IL1RAPL2: variants seen among roughly 807,000 people sequenced by gnomAD.
IL1RAPL2 encodes interleukin 1 receptor accessory protein like 2.
IL1RAPL2 carries 3 observed loss-of-function variants against 44.1 expected under a neutral mutation model. The ratio of observed to expected loss-of-function variants is 0.07; its 90% confidence interval spans 0.03 to 0.18. The LOEUF (loss-of-function observed/expected upper bound fraction) is 0.18, where lower values mean the gene tolerates loss of function less well. Among genes scored for constraint, IL1RAPL2 ranks in the 10% least tolerant of loss-of-function variants. The pLI is 1.00. For missense variants in IL1RAPL2, 391 were observed against 496.4 expected (o/e 0.79, Z 2.02); for synonymous variants, 181 against 178.8 (o/e 1.01, Z -0.10).
At chrX:105,466,634 G>T (rs761733211) in intron 5 of IL1RAPL2, among the ~76,000 whole-genome samples, 8 of 111,919 alleles carry the variant, frequency 7.1e-5, no homozygotes, top group Non-Finnish European at 1.5e-4. Flanking sequence ...GAGAATGAAA[G>T]AACCTTTATC....
At chrX:105,750,362 C>G (rs1282143732) in intron 9 of IL1RAPL2, among the ~76,000 whole-genome samples, 1 of 101,679 alleles carries the variant, frequency 9.8e-6, no homozygotes, top group Non-Finnish European at 2.0e-5. Flanking sequence ...CAGCCTCGAA[C>G]TCCTGTACTC....
At chrX:105,250,285 C>G (rs2034258409) in intron 4 of IL1RAPL2, among the ~76,000 whole-genome samples, 1 of 110,807 alleles carries the variant, frequency 9.0e-6, no homozygotes, top group African/African-American at 3.3e-5. Flanking sequence ...GCAAACAATT[C>G]TGTATGATGC....
At chrX:105,358,403 C>T (rs1370585362) in intron 5 of IL1RAPL2, among the ~76,000 whole-genome samples, 1 of 105,155 alleles carries the variant, frequency 9.5e-6, no homozygotes, top group African/African-American at 3.5e-5. Context: ...TAACTGGGCA[C>T]AGTGGCTCAC....
At chrX:105,454,938 GCGGA>G (rs2036045099) in intron 5 of IL1RAPL2, among the ~76,000 whole-genome samples, 1 of 106,709 alleles carries the variant, frequency 9.4e-6, no homozygotes, top group African/African-American at 3.5e-5. Context: ...TGAAGCACTA[GCGGA>G]TACCACTGAC....
intron 2 of IL1RAPL2, among the ~76,000 whole-genome samples, chrX:104,869,508 T>C (rs1337703039): frequency 8.9e-6 from 1 of 112,014 alleles, no homozygotes. Flanking sequence ...TGGTTCCCTG[T>C]ATAATTCTTT....
intron 5 of IL1RAPL2, among the ~76,000 whole-genome samples, chrX:105,413,512 G>A (rs905808448): frequency 1.2e-4 from 13 of 111,589 alleles, no homozygotes; most frequent in African/African-American, 3.9e-4. Flanking sequence ...ATGGAATGTG[G>A]GTAGCTTCTA....
At chrX:105,503,416 C>T (rs771185653) in intron 6 of IL1RAPL2, among the ~76,000 whole-genome samples, 2 of 111,589 alleles carry the variant, frequency 1.8e-5, no homozygotes, top group East Asian at 2.8e-4. Flanking sequence ...TATATTAATG[C>T]GCTTTGGTCT....
At chrX:105,207,939 T>C (rs1364619403) in intron 3 of IL1RAPL2, among the ~76,000 whole-genome samples, 1 of 112,022 alleles carries the variant, frequency 8.9e-6, no homozygotes, top group Non-Finnish European at 1.9e-5. Flanking sequence ...AAAGTAATAG[T>C]ACAGTAAAAA....
Position 104,971,241 on chromosome X carries a change from G to A in IL1RAPL2, c.83-224234G>A, listed in dbSNP as rs367941961. Among the ~76,000 whole-genome samples, 8 of 110,734 alleles carry A rather than the reference G, an allele frequency of 7.2e-5. No homozygotes were observed. The East Asian group carries it at 1.4e-3, about 20-fold the overall frequency. On this transcript the variant is annotated intron_variant, in intron 2 of 10. Transcript: ENST00000372582. ...GGCAGGCCGGTAATCCCAGCTACTC[G>A]GGATGCTGAGACAAGAGAATTGCTT...
intron 1 of IL1RAPL2, among the ~76,000 whole-genome samples, chrX:104,582,826 T>TTC (rs1569487689): frequency 3.2e-5 from 1 of 31,008 alleles, no homozygotes; most frequent in Non-Finnish European, 6.8e-5. Context: ...TTCTTTCTCT[T>TTC]TCTTTCTTTC....
intron 2 of IL1RAPL2, among the ~76,000 whole-genome samples, chrX:105,036,778 G>C (rs2031636982): frequency 9.0e-6 from 1 of 111,671 alleles, no homozygotes; most frequent in African/African-American, 3.3e-5. Context: ...ACTCTCAACA[G>C]TGATGCACAA....
At chrX:104,793,637 G>C (rs1342239474) in intron 2 of IL1RAPL2, among the ~76,000 whole-genome samples, 1 of 111,858 alleles carries the variant, frequency 8.9e-6, no homozygotes, top group Non-Finnish European at 1.9e-5. Flanking sequence ...AGAAATTATA[G>C]TTTTTCTAAC....
intron 6 of IL1RAPL2, among the ~76,000 whole-genome samples, chrX:105,595,485 CATA>C (rs2037201526): frequency 9.0e-6 from 1 of 111,721 alleles, no homozygotes; most frequent in Non-Finnish European, 1.9e-5. Flanking sequence ...ATGGCCTTAA[CATA>C]ATGTCATAGA....
Position 105,233,814 on chromosome X carries a change from A to G in IL1RAPL2, c.357-4A>G. The G allele has an allele frequency of 8.4e-7, 1 of 1,196,117 alleles. No individual in the cohort carries two copies. The highest frequency in any genetic ancestry group is 1.1e-6 in the Non-Finnish European group (1 of 885,832). On this transcript the variant is annotated splice_polypyrimidine_tract_variant and splice_region_variant and intron_variant, in intron 3 of 10. Coordinates refer to ENST00000372582, the MANE Select transcript of IL1RAPL2 (RefSeq NM_017416.2). ...GCCATTTTGTTATTTCTCTGTTCCT[A>G]CAGAAACTCAACATATTGCATGAAG...
intron 6 of IL1RAPL2, among the ~76,000 whole-genome samples, chrX:105,552,567 C>T (rs772407397): frequency 8.9e-6 from 1 of 112,012 alleles, no homozygotes; most frequent in Non-Finnish European, 1.9e-5. Context: ...ATGTAAGCTA[C>T]TTCCAGGCAT....
At chrX:104,990,082 T>G (rs1484726826) in intron 2 of IL1RAPL2, among the ~76,000 whole-genome samples, 1 of 111,958 alleles carries the variant, frequency 8.9e-6, no homozygotes, top group Non-Finnish European at 1.9e-5. Context: ...AGTTGTTCTG[T>G]ACTAGATGTT....
chrX:104,930,414 T>C (rs1289087182), intron 2 of IL1RAPL2, among the ~76,000 whole-genome samples: 1 of 112,022 alleles, frequency 8.9e-6, no homozygotes, highest in Non-Finnish European at 1.9e-5. Flanking sequence ...GTTCACATAG[T>C]TGTCACCATT....
Position 105,041,154 on chromosome X carries a change from A to G in IL1RAPL2, c.83-154321A>G, listed in dbSNP as rs1302374546. On this transcript the variant is annotated intron_variant, in intron 2 of 10. Coordinates refer to ENST00000372582, the MANE Select transcript of IL1RAPL2 (RefSeq NM_017416.2). ...GTTATGTACCCAGTAGTCATTCAGG[A>G]GCAGGTTGTTCAGTTTCCAGGTAGT... is the stretch of plus-strand genomic sequence containing the variant. 2.7e-5 allele frequency among the ~76,000 whole-genome samples: 3 copies of G among 109,734 alleles called. No homozygotes were observed. The Admixed American group carries it at 2.9e-4, about 11-fold the overall frequency.
At chrX:105,021,525 G>A (rs1397868212) in intron 2 of IL1RAPL2, among the ~76,000 whole-genome samples, 2 of 111,055 alleles carry the variant, frequency 1.8e-5, no homozygotes, top group African/African-American at 6.5e-5. Flanking sequence ...CATCAGCAGT[G>A]CAATTCTTCC....
Sources: gnomAD v4.1 joint callset for allele counts (sites outside exome capture counted in the v4.1 genomes callset) on GRCh38, gnomAD v4.1.1 for gene constraint, MANE v1.5 for transcripts, NCBI Gene and HGNC (gene_info 2026-07-23, HGNC 2026-07-21) for gene names.